Variants in LHFPL6 observed in about 807,000 individuals in gnomAD.
The protein encoded by LHFPL6 is LHFPL tetraspan subfamily member 6 protein.
LHFPL6 carries 9 observed loss-of-function variants against 20.6 expected under a neutral mutation model. The observed-to-expected ratio is 0.44, with a 90% CI of 0.26 to 0.76. The LOEUF is 0.76. LHFPL6 is among the 30% of genes least tolerant of loss of function. LHFPL6 has a pLI of 0.20. For synonymous variants in LHFPL6, 105 were observed against 98.7 expected, an observed-to-expected ratio of 1.06 and a Z score of -0.38; for missense variants, 218 against 253.5, an observed-to-expected ratio of 0.86 and a Z score of 0.95.
rs577253999 is a variant in LHFPL6 at position 39,510,171 on chromosome 13, A to G, written c.385+90661T>C. On this transcript the variant is annotated intron_variant, in intron 2 of 3. Transcript: ENST00000379589. Reference sequence around the variant, plus strand: ...TAAATATGCATTGCTCTGGAGTCCTATACAATCAAAGCACTTCACGTGAGA... The same window carrying G: ...TAAATATGCATTGCTCTGGAGTCCTGTACAATCAAAGCACTTCACGTGAGA... Among the ~76,000 whole-genome samples the G allele has an allele frequency of 3.9e-5, 6 of 152,370 alleles. No homozygotes were observed. The South Asian group carries it at 1.2e-3, about 32-fold the overall frequency.
intron 2 of LHFPL6, among the ~76,000 whole-genome samples, chr13:39,567,267 AT>A: frequency 6.6e-6 from 1 of 152,322 alleles, no homozygotes; most frequent in East Asian, 1.9e-4. Context: ...AAAATCTCAA[AT>A]TTCAAAAGAA....
chr13:39,557,320 C>T (rs774344673), intron 2 of LHFPL6, among the ~76,000 whole-genome samples: 1 of 152,216 alleles, frequency 6.6e-6, no homozygotes, highest in Admixed American at 6.5e-5. Context: ...CCTTGGTGGC[C>T]GCCATGTGGT....
At chr13:39,474,098 C>A (rs921319150) in intron 2 of LHFPL6, among the ~76,000 whole-genome samples, 2 of 152,124 alleles carry the variant, frequency 1.3e-5, no homozygotes, top group Non-Finnish European at 2.9e-5. Context: ...ATTGCAACAC[C>A]AAAAGAATTC....
chr13:39,541,179 T>C (rs1040230598), intron 2 of LHFPL6, among the ~76,000 whole-genome samples: 2 of 152,160 alleles, frequency 1.3e-5, no homozygotes, highest in African/African-American at 4.8e-5. Flanking sequence ...GAAAACATCC[T>C]CCATCTCTCC....
At chr13:39,479,076 TA>T (rs1868410170) in intron 2 of LHFPL6, among the ~76,000 whole-genome samples, 1 of 148,542 alleles carries the variant, frequency 6.7e-6, no homozygotes, top group Admixed American at 6.7e-5. Context: ...GATAGATAGA[TA>T]GATAGACAGA....
At chr13:39,531,317 T>C (rs758320897) in intron 2 of LHFPL6, among the ~76,000 whole-genome samples, 2 of 152,202 alleles carry the variant, frequency 1.3e-5, no homozygotes, top group Non-Finnish European at 2.9e-5. Flanking sequence ...ATGGCTTTTA[T>C]GCAGATGAGA....
chr13:39,458,814 G>C (rs1322396305), intron 2 of LHFPL6, among the ~76,000 whole-genome samples: 1 of 151,954 alleles, frequency 6.6e-6, no homozygotes, highest in Non-Finnish European at 1.5e-5. Context: ...TCCACATTTG[G>C]ATGGGAACAT....
intron 2 of LHFPL6, among the ~76,000 whole-genome samples, chr13:39,482,481 T>C (rs1384422055): frequency 6.6e-6 from 1 of 151,402 alleles, no homozygotes; most frequent in East Asian, 1.9e-4. Flanking sequence ...CTTACCCAAA[T>C]TAATAGGTCA....
Position 39,530,248 on chromosome 13 carries a change from A to C in LHFPL6, c.385+70584T>G, listed in dbSNP as rs554633552. 8.1e-5 allele frequency among the ~76,000 whole-genome samples: 11 copies of C among 135,788 alleles called. No individual in the cohort carries two copies. In the South Asian group the frequency reaches 2.6e-3, roughly 33 times the overall value. 89.1% of individuals were successfully genotyped at this position (135,788 alleles called of 152,430 possible). A position where few individuals can be genotyped will look rare whatever the true frequency, so the allele number is the denominator to read the frequency against. On this transcript the variant is annotated intron_variant, in intron 2 of 3. Transcript: ENST00000379589. Reference sequence around the variant, plus strand: ...GGGCGACAAAGTGAGACCTTGTTTCAAAAAAAAAAAAAAGTATTAAAAAAA... The same window carrying C: ...GGGCGACAAAGTGAGACCTTGTTTCCAAAAAAAAAAAAAGTATTAAAAAAA...
chr13:39,598,510 T>A (rs1189018760), intron 2 of LHFPL6, among the ~76,000 whole-genome samples: 4 of 152,114 alleles, frequency 2.6e-5, no homozygotes, highest in Admixed American at 2.6e-4. Flanking sequence ...TTTTGAGAAA[T>A]TAGAGAATAT....
At chr13:39,507,321 G>A (rs1226929188) in intron 2 of LHFPL6, among the ~76,000 whole-genome samples, 1 of 152,186 alleles carries the variant, frequency 6.6e-6, no homozygotes, top group Non-Finnish European at 1.5e-5. Context: ...GGAAGCTGCA[G>A]TGCATTTCCT....
At chr13:39,364,872 ATCCTT>A (rs1432812210) in intron 3 of LHFPL6, among the ~76,000 whole-genome samples, 4 of 152,130 alleles carry the variant, frequency 2.6e-5, no homozygotes, top group Non-Finnish European at 5.9e-5. Flanking sequence ...GCTGCTATCA[ATCCTT>A]GCTTCTTAGC....
At position 39,406,724 on chromosome 13, in the gene LHFPL6, C is replaced by T. The variant is rs73456965; in HGVS notation, c.386-28198G>A. 3.1e-3 allele frequency among the ~76,000 whole-genome samples: 475 copies of T among 152,316 alleles called. 4 individuals carry two copies. The highest frequency in any genetic ancestry group is 0.011 in the African/African-American group (457 of 41,566). ...TACTCATACATTAAAATGCCATATA[C>T]ATCCAGATTTATTAATACAAAAGCA... On this transcript the variant is annotated intron_variant, in intron 2 of 3. Transcript: ENST00000379589.
intron 2 of LHFPL6, among the ~76,000 whole-genome samples, chr13:39,395,663 C>A (rs1485724050): frequency 1.3e-5 from 2 of 152,162 alleles, no homozygotes; most frequent in Non-Finnish European, 2.9e-5. Flanking sequence ...CTGTGCTGCT[C>A]AGCAGGTAGG....
chr13:39,498,080 G>C (rs1869159284), intron 2 of LHFPL6, among the ~76,000 whole-genome samples: 1 of 152,038 alleles, frequency 6.6e-6, no homozygotes, highest in African/African-American at 2.4e-5. Flanking sequence ...TTTCCATTTT[G>C]CTCTAAAACT....
rs1566151882 is a variant in LHFPL6 at position 39,600,830 on chromosome 13, AC to A, written c.385+1del. On this transcript the variant is annotated splice_donor_variant, in intron 2 of 3. Transcript: ENST00000379589. LOFTEE classifies it high-confidence loss of function. Reference sequence around the variant, plus strand: ...ACAACTCAAGCTCAGCAAGTCACTTACCCCCAAGAAACTGAATTCCTCCAGC... The same window carrying A: ...ACAACTCAAGCTCAGCAAGTCACTTACCCCAAGAAACTGAATTCCTCCAGC... The A allele has an allele frequency of 6.8e-7, 1 of 1,479,864 alleles. No homozygotes were observed. Among genetic ancestry groups the A allele is most frequent in the Non-Finnish European group, 9.0e-7 (1 of 1,111,406 alleles). 91.7% of individuals were successfully genotyped at this position (1,479,864 alleles called of 1,614,324 possible).
intron 2 of LHFPL6, among the ~76,000 whole-genome samples, chr13:39,486,734 A>G (rs1354881490): frequency 6.6e-6 from 1 of 152,226 alleles, no homozygotes; most frequent in East Asian, 1.9e-4. Flanking sequence ...TCCTTTTAGA[A>G]TAAAGGAAAA....
intron 2 of LHFPL6, among the ~76,000 whole-genome samples, chr13:39,592,666 C>A (rs1448934727): frequency 1.3e-5 from 2 of 151,842 alleles, no homozygotes; most frequent in African/African-American, 4.8e-5. Context: ...AGAGACACGA[C>A]AAAAAAAGAG....
chr13:39,429,737 A>C (rs1192695050), intron 2 of LHFPL6, among the ~76,000 whole-genome samples: 1 of 152,154 alleles, frequency 6.6e-6, no homozygotes, highest in Non-Finnish European at 1.5e-5. Context: ...CTCCCATTCT[A>C]CTTTGAACCT....
Sources: gnomAD v4.1 joint callset for allele counts (sites outside exome capture counted in the v4.1 genomes callset) on GRCh38, gnomAD v4.1.1 for gene constraint, MANE v1.5 for transcripts, NCBI Gene and HGNC (gene_info 2026-07-23, HGNC 2026-07-21) for gene names.